The following PDE1A variants were observed in gnomAD, a reference collection of about 807,000 sequenced individuals.
PDE1A encodes the protein dual specificity calcium/calmodulin-dependent 3',5'-cyclic nucleotide phosphodiesterase 1A.
A neutral mutation model predicts 61.7 loss-of-function variants in PDE1A; 35 were observed. The ratio of observed to expected loss-of-function variants is 0.57; its 90% CI spans 0.43 to 0.75. The LOEUF is 0.75. Among genes scored for constraint, PDE1A ranks in the 30% least tolerant of loss-of-function variants. PDE1A has a pLI of 0.00. For missense variants in PDE1A, 597 were observed against 630.6 expected (o/e 0.95, Z 0.57); for synonymous variants, 232 against 213.2 (o/e 1.09, Z -0.77).
chr2:182,418,307 T>G (rs1703047673), intron 1 of PDE1A, among the ~76,000 whole-genome samples: 1 of 152,200 alleles, frequency 6.6e-6, no homozygotes, highest in Admixed American at 6.5e-5. Context: ...ATGTGGGCAG[T>G]CATTACGGGT....
chr2:182,568,477 G>GACCATCCTGGCTA, the PDE1A span, among the ~76,000 whole-genome samples: 1 of 151,740 alleles, frequency 6.6e-6, no homozygotes, highest in South Asian at 2.1e-4. Flanking sequence ...AGGAGATCGA[G>GACCATCCTGGCTA]ACAGCGGTGA....
chr2:182,305,739 T>C (rs1360643502), intron 1 of PDE1A, among the ~76,000 whole-genome samples: 1 of 152,080 alleles, frequency 6.6e-6, no homozygotes. Context: ...AGTAGATAAT[T>C]ATTTTTATTA....
chr2:182,275,718 C>T (rs1487378694), intron 1 of PDE1A, among the ~76,000 whole-genome samples: 3 of 152,044 alleles, frequency 2.0e-5, no homozygotes, highest in Non-Finnish European at 4.4e-5. Flanking sequence ...GCAGAATAGG[C>T]ACCCTCGTAA....
chr2:182,513,404 G>A (rs1487317478), intron 2 of PDE1A, among the ~76,000 whole-genome samples: 1 of 152,124 alleles, frequency 6.6e-6, no homozygotes, highest in Admixed American at 6.5e-5. Context: ...AATGCTAAGG[G>A]AATTTGTTAC....
intron 10 of PDE1A, among the ~76,000 whole-genome samples, chr2:182,195,348 T>C (rs1156352772): frequency 2.0e-5 from 3 of 151,836 alleles, no homozygotes; most frequent in Non-Finnish European, 4.4e-5. Context: ...TCCTGGGAAG[T>C]AGGCAGGATG....
At chr2:182,383,349 A>G (rs1378327444) in intron 1 of PDE1A, among the ~76,000 whole-genome samples, 1 of 152,196 alleles carries the variant, frequency 6.6e-6, no homozygotes, top group Non-Finnish European at 1.5e-5. Context: ...CATCTCAAAT[A>G]TCATCTTGAG....
chr2:182,589,424 T>G, the PDE1A span, among the ~76,000 whole-genome samples: 1 of 151,824 alleles, frequency 6.6e-6, no homozygotes, highest in Non-Finnish European at 1.5e-5. Context: ...AAAGATCAAA[T>G]CCAATCTGAA....
intron 1 of PDE1A, among the ~76,000 whole-genome samples, chr2:182,345,756 A>G (rs970251165): frequency 1.3e-5 from 2 of 151,914 alleles, no homozygotes; most frequent in Admixed American, 1.3e-4. Context: ...TCTTTGCTCC[A>G]TCTCTTTCTC....
chr2:182,669,455 T>C, the PDE1A span, among the ~76,000 whole-genome samples: 15 of 152,340 alleles, frequency 9.8e-5, no homozygotes, highest in East Asian at 2.7e-3. Context: ...ATAGTTTCCA[T>C]GTATTAAAAG....
At chr2:182,369,992 T>C (rs1270648023) in intron 1 of PDE1A, among the ~76,000 whole-genome samples, 3 of 151,864 alleles carry the variant, frequency 2.0e-5, no homozygotes, top group African/African-American at 4.8e-5. Context: ...CTGGCCAACA[T>C]GGTGAAACCC....
intron 1 of PDE1A, among the ~76,000 whole-genome samples, chr2:182,266,436 A>G (rs762334751): frequency 1.3e-5 from 2 of 152,142 alleles, no homozygotes; most frequent in Admixed American, 6.6e-5. Context: ...TTGTTTTTCC[A>G]TAGTCCTGCA....
intron 1 of PDE1A, among the ~76,000 whole-genome samples, chr2:182,269,886 G>A (rs1271094596): frequency 6.6e-6 from 1 of 152,084 alleles, no homozygotes; most frequent in Non-Finnish European, 1.5e-5. Context: ...TATGTAATCA[G>A]TAATTTGAGA....
the PDE1A span, among the ~76,000 whole-genome samples, chr2:182,650,310 C>T: frequency 6.6e-6 from 1 of 152,174 alleles, no homozygotes; most frequent in South Asian, 2.1e-4. Context: ...CAAAACTGGT[C>T]TCTGGGCTAA....
rs189199107 is a variant in PDE1A, at chr2:182,448,908, A to C, written c.101+73368T>G. The stretch of plus-strand genomic sequence containing the variant: ...TCTGGGGAAACTGAGACCACAAGAC[A>C]TACTAAAGCAATATCCTTTTACTCT... On this transcript the variant is annotated intron_variant, in intron 2 of 14. Transcript: ENST00000410103. Among the ~76,000 whole-genome samples the C allele has an allele frequency of 2.8e-3, 430 of 152,190 alleles. 8 individuals are homozygous for C. The highest frequency in any genetic ancestry group is 4.7e-4 in the Non-Finnish European group (32 of 67,976).
At chr2:182,546,853 G>A in the PDE1A span, among the ~76,000 whole-genome samples, 4 of 152,196 alleles carry the variant, frequency 2.6e-5, no homozygotes, top group Non-Finnish European at 5.9e-5. Flanking sequence ...TACTACTACA[G>A]AGCAGAAGAT....
At chr2:182,218,700 C>A (rs1688455443) in intron 7 of PDE1A, among the ~76,000 whole-genome samples, 1 of 152,026 alleles carries the variant, frequency 6.6e-6, no homozygotes, top group Non-Finnish European at 1.5e-5. Context: ...AATGCTTTTT[C>A]TGCATTTATT....
chr2:182,668,088 G>C, the PDE1A span, among the ~76,000 whole-genome samples: 1 of 152,150 alleles, frequency 6.6e-6, no homozygotes, highest in East Asian at 1.9e-4. Context: ...AAATTATCTG[G>C]GAGGCTGCTC....
chr2:182,387,259 T>C (rs1055408602), intron 1 of PDE1A, among the ~76,000 whole-genome samples: 2 of 152,088 alleles, frequency 1.3e-5, no homozygotes, highest in African/African-American at 4.8e-5. Flanking sequence ...TAATCTCAAG[T>C]ACGCAGGGAC....
intron 1 of PDE1A, among the ~76,000 whole-genome samples, chr2:182,362,905 G>T (rs148598226): frequency 6.6e-6 from 1 of 152,166 alleles, no homozygotes; most frequent in East Asian, 1.9e-4. Context: ...ATGCGATCAC[G>T]TTCTTTGCAG....
Sources: gnomAD v4.1 joint callset for allele counts (sites outside exome capture counted in the v4.1 genomes callset) on GRCh38, gnomAD v4.1.1 for gene constraint, MANE v1.5 for transcripts, NCBI Gene and HGNC (gene_info 2026-07-23, HGNC 2026-07-21) for gene names.